INSYN2B: variants seen among roughly 807,000 people sequenced by gnomAD.
INSYN2B encodes inhibitory synaptic factor family member 2B, also known as protein INSYN2B.
Under a neutral mutation model 41.2 loss-of-function variants are expected in INSYN2B, and 16 were observed. The ratio of observed to expected loss-of-function variants is 0.39; its 90% confidence interval spans 0.26 to 0.59. INSYN2B has a LOEUF of 0.59. Ranked by LOEUF, INSYN2B falls within the 20% of genes least tolerant of loss-of-function variation. The probability of loss-of-function intolerance (pLI) is 0.57; values close to 1 mark genes in which losing one functional copy is unlikely to be tolerated. For synonymous variants in INSYN2B, 245 were observed against 244.4 expected, an observed-to-expected ratio of 1.00 and a Z score of -0.02; for missense variants, 608 against 646.4, an observed-to-expected ratio of 0.94 and a Z score of 0.64.
intron 1 of INSYN2B, among the ~76,000 whole-genome samples, chr5:169,894,911 C>T (rs1452372987): frequency 6.6e-6 from 1 of 152,148 alleles, no homozygotes; most frequent in East Asian, 1.9e-4. Flanking sequence ...AAAATGCTGC[C>T]AAATGTCCCG....
chr5:169,957,750 CCTGGT>C (rs1417784120), intron 1 of INSYN2B, among the ~76,000 whole-genome samples: 1 of 152,194 alleles, frequency 6.6e-6, no homozygotes, highest in Non-Finnish European at 1.5e-5. Flanking sequence ...GTCTCAGGTT[CCTGGT>C]CTGTTCATGA....
chr5:169,885,016 T>A (rs1303810105), intron 1 of INSYN2B, among the ~76,000 whole-genome samples, 200 bp from the exon 2 acceptor site: 1 of 152,200 alleles, frequency 6.6e-6, no homozygotes, highest in Non-Finnish European at 1.5e-5. Flanking sequence ...CCTGTCTGCC[T>A]GGACCCTTTT....
At chr5:169,886,144 A>G (rs1772955483) in intron 1 of INSYN2B, among the ~76,000 whole-genome samples, 1 of 152,192 alleles carries the variant, frequency 6.6e-6, no homozygotes. Flanking sequence ...TTCTTTATAA[A>G]TTACACAGTC....
intron 3 of INSYN2B, among the ~76,000 whole-genome samples, chr5:169,873,354 C>A (rs186118696): frequency 3.9e-5 from 6 of 152,300 alleles, no homozygotes; most frequent in African/African-American, 1.4e-4. Flanking sequence ...CCCAAAGAGA[C>A]ATTTAAGCTG....
In INSYN2B at chr5:169,946,561, C is replaced by CCATT. The variant is rs144258254; in HGVS notation, c.-919+33712_-919+33715dup. ...TGGGGGATCTGGCATAGTCACTCAT[C>CCATT]CATTCATTCATTCATTCATTCATTC... On this transcript the variant is annotated intron_variant, in intron 1 of 3. Transcript: ENST00000377365. Among the ~76,000 whole-genome samples, 211 of 152,198 alleles carry CCATT rather than the reference C, an allele frequency of 1.4e-3. 1 individual carries two copies. Among genetic ancestry groups the CCATT allele is most frequent in the African/African-American group, 3.5e-3 (147 of 41,500 alleles).
chr5:169,886,017 ACT>A (rs140978189), intron 1 of INSYN2B, among the ~76,000 whole-genome samples: 3,403 of 152,092 alleles, frequency 0.022, 129 homozygotes, highest in African/African-American at 0.078. Flanking sequence ...TGAAGTTATG[ACT>A]CTGCCCTTTT....
chr5:169,913,394 C>T (rs928324487), intron 1 of INSYN2B, among the ~76,000 whole-genome samples: 1 of 152,130 alleles, frequency 6.6e-6, no homozygotes, highest in Admixed American at 6.5e-5. Context: ...TAATTCACCT[C>T]CCCTCCTCTT....
intron 1 of INSYN2B, among the ~76,000 whole-genome samples, chr5:169,955,886 A>G (rs1177717067): frequency 2.0e-5 from 3 of 152,162 alleles, no homozygotes; most frequent in Non-Finnish European, 4.4e-5. Flanking sequence ...AAACTAAGAC[A>G]TGGCTCATTG....
chr5:169,865,123 T>C (rs1317449355), intron 3 of INSYN2B, among the ~76,000 whole-genome samples: 1 of 152,262 alleles, frequency 6.6e-6, no homozygotes, highest in Non-Finnish European at 1.5e-5. Context: ...GTAGTATTCC[T>C]CAATACAGTG....
intron 1 of INSYN2B, among the ~76,000 whole-genome samples, chr5:169,909,275 T>C (rs949846620): frequency 6.6e-6 from 1 of 152,216 alleles, no homozygotes; most frequent in East Asian, 1.9e-4. Context: ...GCATTTCAAG[T>C]GCTAATAGCC....
intron 1 of INSYN2B, among the ~76,000 whole-genome samples, chr5:169,937,834 A>G (rs1280794066): frequency 6.6e-6 from 1 of 152,184 alleles, no homozygotes; most frequent in East Asian, 1.9e-4. Context: ...TTGGTCACTG[A>G]CAACACTGAA....
intron 1 of INSYN2B, among the ~76,000 whole-genome samples, chr5:169,930,279 C>G (rs536067811): frequency 6.6e-6 from 1 of 152,116 alleles, no homozygotes; most frequent in African/African-American, 2.4e-5. Flanking sequence ...CTTGAGCCAC[C>G]GCACCTGGCC....
intron 1 of INSYN2B, among the ~76,000 whole-genome samples, chr5:169,964,224 T>C (rs1777206084): frequency 6.6e-6 from 1 of 152,176 alleles, no homozygotes; most frequent in Non-Finnish European, 1.5e-5. Flanking sequence ...TTATCCTCGG[T>C]GACCACAGGC....
intron 3 of INSYN2B, among the ~76,000 whole-genome samples, chr5:169,877,272 T>A (rs562545158): frequency 6.6e-6 from 1 of 152,268 alleles, no homozygotes; most frequent in East Asian, 1.9e-4. Context: ...GGGAGTGACA[T>A]GGTCAGATTC....
intron 1 of INSYN2B, among the ~76,000 whole-genome samples, chr5:169,909,669 A>G (rs1402930391): frequency 2.6e-5 from 4 of 152,144 alleles, no homozygotes; most frequent in African/African-American, 9.7e-5. Context: ...TGCCCTCTAA[A>G]CCTATAATAC....
intron 1 of INSYN2B, among the ~76,000 whole-genome samples, chr5:169,885,873 C>CA (rs55747999): frequency 0.38 from 58,058 of 151,996 alleles, 11,957 homozygotes; most frequent in Non-Finnish European, 0.46. Flanking sequence ...TTAATCCTTA[C>CA]AAAAAATCCA....
intron 1 of INSYN2B, among the ~76,000 whole-genome samples, chr5:169,896,296 C>A (rs1351771374): frequency 6.6e-6 from 1 of 152,130 alleles, no homozygotes; most frequent in Non-Finnish European, 1.5e-5. Flanking sequence ...ACCGGGACCC[C>A]TTAAATCCCA....
At chr5:169,978,386 T>TGGGGGGG (rs1561863630) in intron 1 of INSYN2B, among the ~76,000 whole-genome samples, 2 of 16,716 alleles carry the variant, frequency 1.2e-4, no homozygotes, top group African/African-American at 4.8e-4. Context: ...TGTGTGTGTG[T>TGGGGGGG]GTGTGTGGGG....
At chr5:169,968,464 T>C (rs900392987) in intron 1 of INSYN2B, among the ~76,000 whole-genome samples, 3 of 152,166 alleles carry the variant, frequency 2.0e-5, no homozygotes, top group Non-Finnish European at 4.4e-5. Context: ...GACAGACACA[T>C]GAGCATATGA....
Sources: allele counts gnomAD v4.1 joint callset (sites outside exome capture counted in the v4.1 genomes callset), GRCh38; gene constraint gnomAD v4.1.1; transcripts MANE v1.5; gene names NCBI Gene and HGNC (gene_info 2026-07-23, HGNC 2026-07-21).